The following SOD2 variants were observed in gnomAD, a reference collection of about 807,000 sequenced individuals.
SOD2 encodes the protein superoxide dismutase 2.
In SOD2, 11 loss-of-function variants were observed where a neutral mutation model predicts 27.0. The ratio of observed to expected loss-of-function variants is 0.41; its 90% CI spans 0.26 to 0.67. The LOEUF is 0.67. SOD2 is among the 30% of genes least tolerant of loss of function. The pLI is 0.34. For synonymous variants in SOD2, 105 were observed against 103.0 expected (o/e 1.02, Z -0.12); for missense variants, 250 against 274.5 (o/e 0.91, Z 0.63).
chr6:159,725,056 T>C (rs973295514), intron 1 of SOD2, among the ~76,000 whole-genome samples: 2 of 152,176 alleles, frequency 1.3e-5, no homozygotes, highest in Admixed American at 6.5e-5. Flanking sequence ...ACTTTCCCTA[T>C]GCTCAGCTCC....
intron 1 of SOD2, among the ~76,000 whole-genome samples, chr6:159,711,810 A>G (rs879248737): frequency 1.1e-5 from 1 of 90,302 alleles, no homozygotes; most frequent in Non-Finnish European, 2.3e-5. Context: ...CACCATAACC[A>G]CCTCCATAAC....
intron 1 of SOD2, chr6:159,743,537 T>TAGG: frequency 1.1e-6 from 1 of 922,916 alleles, no homozygotes; most frequent in South Asian, 2.1e-5. Flanking sequence ...ATTCGCCTGT[T>TAGG]ATAAAAGTAG....
chr6:159,738,565 A>G (rs1438526861), intron 1 of SOD2, among the ~76,000 whole-genome samples: 1 of 152,204 alleles, frequency 6.6e-6, no homozygotes, highest in African/African-American at 2.4e-5. Context: ...TTTGAGATAC[A>G]TGTTTAAGAG....
Position 159,673,767 on chromosome 6 carries a change from CAG to C in SOD2, c.*8724_*8725del, listed in dbSNP as rs1779716909. ...AAGATCAGAGCAGAACTGAAGGAGA[CAG>C]AGACACAAAAAAACCTTCAAAAAAT... On this transcript the variant is annotated 3_prime_UTR_variant, in exon 5 of 5. Transcript: ENST00000538183. The C allele has an allele frequency of 6.6e-6, 1 of 151,900 alleles. No individual in the cohort carries two copies. Among genetic ancestry groups the C allele is most frequent in the Non-Finnish European group, 1.5e-5 (1 of 67,970 alleles). The allele number at this position is 151,900 out of a possible 1,614,324, so 9.4% of individuals were successfully genotyped here.
intron 1 of SOD2, among the ~76,000 whole-genome samples, chr6:159,723,533 C>G (rs1260039993): frequency 6.6e-6 from 1 of 152,180 alleles, no homozygotes; most frequent in African/African-American, 2.4e-5. Context: ...AGCTCTGGAT[C>G]TTTTTAGTGG....
chr6:159,727,755 A>T, upstream of SOD2: 1 of 981,084 alleles, frequency 1.0e-6, no homozygotes, highest in Non-Finnish European at 1.2e-6. Flanking sequence ...CCGGGGCCTG[A>T]GGGCTGATGC....
At chr6:159,731,452 A>G (rs1410516795), upstream of SOD2, among the ~76,000 whole-genome samples, 1 of 152,204 alleles carries the variant, frequency 6.6e-6, no homozygotes, top group Non-Finnish European at 1.5e-5. Context: ...TGGGCGACAG[A>G]GTGAGACTCT....
intron 1 of SOD2, chr6:159,738,936 G>A (rs1300472731): frequency 5.9e-6 from 8 of 1,359,688 alleles, no homozygotes; most frequent in Non-Finnish European, 7.3e-6. Flanking sequence ...TCTCATTATA[G>A]AACTTTGTGT....
chr6:159,680,224 T>C lies in SOD2; in HGVS notation c.*2269A>G, dbSNP rs1488422667. 6.6e-6 allele frequency: 1 copy of C among 152,226 alleles called. No homozygotes were observed. Among genetic ancestry groups the C allele is most frequent in the Non-Finnish European group, 1.5e-5 (1 of 68,038 alleles). The allele number at this position is 152,226 out of a possible 1,614,324, so 9.4% of individuals were successfully genotyped here. On this transcript the variant is annotated 3_prime_UTR_variant, in exon 5 of 5. Coordinates refer to ENST00000538183, the MANE Select transcript of SOD2 (RefSeq NM_000636.4). ...AAACCATGATCTAGCAGACAACTTA[T>C]ATTCAAAAGCTCATCTTTCAAAAGG...
At chr6:159,699,239 A>C (rs1474978236) in intron 1 of SOD2, among the ~76,000 whole-genome samples, 2 of 152,204 alleles carry the variant, frequency 1.3e-5, no homozygotes, top group Admixed American at 6.5e-5. Flanking sequence ...GACTCTGGTC[A>C]TCACTCTTGG....
chr6:159,750,389 A>C (rs1779774897), intron 1 of SOD2, among the ~76,000 whole-genome samples: 1 of 152,232 alleles, frequency 6.6e-6, no homozygotes, highest in Non-Finnish European at 1.5e-5. Context: ...CTCTTTTAAT[A>C]AGATAATACA....
intron 1 of SOD2, chr6:159,756,325 T>G (rs1204959821): frequency 6.6e-6 from 1 of 152,618 alleles, no homozygotes; most frequent in Non-Finnish European, 1.5e-5. Context: ...CTTAATTAGC[T>G]TTTTTGTTTT....
In SOD2 at chr6:159,684,954, A is replaced by G; in HGVS notation, c.423T>C (p.Gly141=). 3 of 1,613,814 alleles carry G rather than the reference A, an allele frequency of 1.9e-6. No individual in the cohort carries two copies. Among genetic ancestry groups the G allele is most frequent in the Non-Finnish European group, 2.5e-6 (3 of 1,179,834 alleles). The change falls in exon 4 of 5, where the codon GGT becomes GGC. Residue 141 remains glycine, a synonymous_variant. Coordinates refer to ENST00000538183, the MANE Select transcript of SOD2 (RefSeq NM_000636.4). ...GCCAACCCCAACCTGAGCCTTGGAC[A>G]CCAACAGATGCAGCCGTCAGCTTCT... ...FKEKLTAASV[G]VQGSGWGWLG... is the part of the protein sequence containing the mutation.
intron 1 of SOD2, among the ~76,000 whole-genome samples, chr6:159,720,210 TATATAA>T (rs1486297371): frequency 6.6e-6 from 1 of 151,770 alleles, no homozygotes; most frequent in African/African-American, 2.4e-5. Context: ...TTTTTGTGTA[TATATAA>T]ATATATATTT....
At chr6:159,752,320 T>C (rs1362202408) in intron 1 of SOD2, among the ~76,000 whole-genome samples, 1 of 152,190 alleles carries the variant, frequency 6.6e-6, no homozygotes, top group African/African-American at 2.4e-5. Flanking sequence ...ATCACAATTA[T>C]TTACTTAGAT....
chr6:159,691,462 A>G (rs551732550), intron 2 of SOD2: 1 of 152,342 alleles, frequency 6.6e-6, no homozygotes, highest in African/African-American at 2.4e-5. Context: ...CTGTCTAAAA[A>G]TTACTCAACA....
chr6:159,707,353 A>C (rs934560170), intron 1 of SOD2, among the ~76,000 whole-genome samples: 2 of 152,070 alleles, frequency 1.3e-5, no homozygotes, highest in Non-Finnish European at 2.9e-5. Context: ...GAAAGATCAC[A>C]ATTGATAGAC....
At position 159,676,351 on chromosome 6, in the gene SOD2, T is replaced by C. The variant is rs1474414908; in HGVS notation, c.*6142A>G. ...AGCAAAGACTTGGAACCAACCCAAA[T>C]GTCCATCAATGATAGATTGGTTTAA... On this transcript the variant is annotated 3_prime_UTR_variant, in exon 5 of 5. Coordinates refer to ENST00000538183, the MANE Select transcript of SOD2 (RefSeq NM_000636.4). 2.0e-5 allele frequency: 3 copies of C among 152,306 alleles called. No homozygotes were observed. The highest frequency in any genetic ancestry group is 2.4e-5 in the African/African-American group (1 of 41,556). 9.4% of individuals were successfully genotyped at this position (152,306 alleles called of 1,614,324 possible).
upstream of SOD2, among the ~76,000 whole-genome samples, chr6:159,697,399 C>T (rs932416006): frequency 6.6e-6 from 1 of 152,030 alleles, no homozygotes; most frequent in Non-Finnish European, 1.5e-5. Flanking sequence ...AAAAGTAGTA[C>T]TTAAATTGCC....
Sources: gnomAD v4.1 joint callset for allele counts (sites outside exome capture counted in the v4.1 genomes callset) on GRCh38, gnomAD v4.1.1 for gene constraint, MANE v1.5 for transcripts, NCBI Gene and HGNC (gene_info 2026-07-23, HGNC 2026-07-21) for gene names.